The following ATP6V0D2 variants were observed in gnomAD, a reference collection of about 807,000 sequenced individuals.
The protein encoded by ATP6V0D2 is ATPase H+ transporting V0 subunit d2.
In ATP6V0D2, 40 loss-of-function variants were observed where a neutral mutation model predicts 40.0. The ratio of observed to expected loss-of-function variants is 1.00; its 90% CI spans 0.78 to 1.30. The LOEUF (loss-of-function observed/expected upper bound fraction) is 1.30. Among genes scored for constraint, ATP6V0D2 ranks in the 50% most tolerant of loss-of-function variants. The pLI, the probability that ATP6V0D2 is intolerant of heterozygous loss-of-function variation, is 0.00. For synonymous variants in ATP6V0D2, 179 were observed against 156.3 expected, an observed-to-expected ratio of 1.15 and a Z score of -1.08; for missense variants, 470 against 423.1, an observed-to-expected ratio of 1.11 and a Z score of -0.97.
chr8:86,108,722 C>T (rs1480240465), intron 1 of ATP6V0D2, among the ~76,000 whole-genome samples: 1 of 152,140 alleles, frequency 6.6e-6, no homozygotes, highest in Admixed American at 6.6e-5. Flanking sequence ...GCATCAGCCA[C>T]CACGCCCAGC....
chr8:86,150,085 T>G, intron 5 of ATP6V0D2, 27 bp from the exon 6 acceptor site: 1 of 1,601,548 alleles, frequency 6.2e-7, no homozygotes, highest in South Asian at 1.1e-5. Context: ...TTTATTAGAT[T>G]TTACTGGTTT....
intron 2 of ATP6V0D2, among the ~76,000 whole-genome samples, chr8:86,129,629 T>G (rs1197962393): frequency 6.6e-6 from 1 of 152,066 alleles, no homozygotes; most frequent in Non-Finnish European, 1.5e-5. Flanking sequence ...CTGGTCAACA[T>G]GGTGAAACCC....
chr8:86,132,267 T>C (rs1051651214), intron 2 of ATP6V0D2, among the ~76,000 whole-genome samples: 6 of 152,164 alleles, frequency 3.9e-5, no homozygotes, highest in Non-Finnish European at 8.8e-5. Flanking sequence ...TTTACAGTTA[T>C]AGAATGTGTA....
chr8:86,121,961 A>T (rs1343474897), intron 2 of ATP6V0D2, among the ~76,000 whole-genome samples: 2 of 152,228 alleles, frequency 1.3e-5, no homozygotes, highest in African/African-American at 4.8e-5. Flanking sequence ...AAAATCTGGA[A>T]TGGATATTTT....
chr8:86,105,068 T>A (rs1210610615), intron 1 of ATP6V0D2, among the ~76,000 whole-genome samples: 1 of 152,106 alleles, frequency 6.6e-6, no homozygotes, highest in Non-Finnish European at 1.5e-5. Flanking sequence ...TCACTTCCTC[T>A]GTAAGCCCCT....
At chr8:86,129,982 G>GAAAAAAAAA (rs869058078) in intron 2 of ATP6V0D2, among the ~76,000 whole-genome samples, 4 of 92,824 alleles carry the variant, frequency 4.3e-5, no homozygotes, top group Non-Finnish European at 6.7e-5. Flanking sequence ...GTCTCGAAAA[G>GAAAAAAAAA]AAAAAAAAAA....
intron 2 of ATP6V0D2, among the ~76,000 whole-genome samples, chr8:86,117,692 T>C (rs191553639): frequency 3.3e-5 from 5 of 152,320 alleles, no homozygotes; most frequent in Admixed American, 3.3e-4. Context: ...TGGACTTACA[T>C]AGGACTCAGT....
chr8:86,114,531 G>A (rs190712259), intron 2 of ATP6V0D2, among the ~76,000 whole-genome samples: 35 of 152,226 alleles, frequency 2.3e-4, no homozygotes, highest in Admixed American at 5.2e-4. Flanking sequence ...TTAGCCAGGC[G>A]TGGTGGCACT....
chr8:86,139,661 G>A, intron 3 of ATP6V0D2, 26 bp downstream of exon 3: 1 of 1,532,402 alleles, frequency 6.5e-7, no homozygotes, highest in Non-Finnish European at 8.8e-7. Context: ...TAATTTTGTA[G>A]CTGCTTGTGT....
chr8:86,121,578 A>AAGGAGGAGGAGGAGG (rs562798784), intron 2 of ATP6V0D2, among the ~76,000 whole-genome samples: 13 of 107,346 alleles, frequency 1.2e-4, no homozygotes, highest in African/African-American at 4.2e-4. Context: ...ATTTCAAAAG[A>AAGGAGGAGGAGGAGG]AGGAGGAGGA....
intron 5 of ATP6V0D2, among the ~76,000 whole-genome samples, chr8:86,147,848 G>A (rs1374651497): frequency 6.6e-6 from 1 of 152,154 alleles, no homozygotes; most frequent in Non-Finnish European, 1.5e-5. Flanking sequence ...GGGAAGAAGT[G>A]GTTACAAGGA....
intron 1 of ATP6V0D2, among the ~76,000 whole-genome samples, chr8:86,107,709 G>A (rs539892931): frequency 1.4e-3 from 213 of 152,224 alleles, no homozygotes; most frequent in Non-Finnish European, 2.3e-3. Context: ...AACTTGAGGC[G>A]GGGAGCACAT....
intron 5 of ATP6V0D2, among the ~76,000 whole-genome samples, chr8:86,145,892 T>C (rs577591071): frequency 6.6e-6 from 1 of 152,354 alleles, no homozygotes; most frequent in African/African-American, 2.4e-5. Flanking sequence ...GATGCTATCT[T>C]GAGTGCTTTA....
intron 4 of ATP6V0D2, 72 bp downstream of exon 4, chr8:86,141,601 C>T: frequency 9.1e-7 from 1 of 1,103,506 alleles, no homozygotes; most frequent in African/African-American, 1.6e-5. Context: ...TCTATTAAAA[C>T]TTACTTTACT....
At chr8:86,123,424 A>T (rs1295107000) in intron 2 of ATP6V0D2, among the ~76,000 whole-genome samples, 1 of 152,124 alleles carries the variant, frequency 6.6e-6, no homozygotes, top group Non-Finnish European at 1.5e-5. Flanking sequence ...AGCTGATCGG[A>T]TGTATATCTT....
chr8:86,138,949 C>T (rs1818935449), intron 2 of ATP6V0D2, among the ~76,000 whole-genome samples: 1 of 152,184 alleles, frequency 6.6e-6, no homozygotes, highest in Non-Finnish European at 1.5e-5. Flanking sequence ...TGGCCAGGTG[C>T]AGGCACCATG....
intron 6 of ATP6V0D2, among the ~76,000 whole-genome samples, chr8:86,150,836 C>A (rs1005141608): frequency 1.3e-5 from 2 of 152,160 alleles, no homozygotes; most frequent in Admixed American, 6.5e-5. Flanking sequence ...AGCTCCTCAG[C>A]TTAAGGTTGT....
chr8:86,113,988 T>C (rs1232208932), intron 2 of ATP6V0D2, 108 bp downstream of exon 2: 8 of 1,069,516 alleles, frequency 7.5e-6, no homozygotes, highest in Admixed American at 3.0e-5. Context: ...ACCTTTTCCA[T>C]TGTTTGTAAG....
At chr8:86,099,205 G>A in intron 1 of ATP6V0D2, 97 bp downstream of exon 1, 2 of 1,340,930 alleles carry the variant, frequency 1.5e-6, no homozygotes, top group South Asian at 1.7e-5. Context: ...ATAATCATAT[G>A]GTTTGAGAGT....
Sources: allele counts gnomAD v4.1 joint callset (sites outside exome capture counted in the v4.1 genomes callset), GRCh38; gene constraint gnomAD v4.1.1; transcripts MANE v1.5; gene names NCBI Gene and HGNC (gene_info 2026-07-23, HGNC 2026-07-21).